ATE1: variants seen among roughly 807,000 people sequenced by gnomAD.
ATE1 encodes arginyl-tRNA--protein transferase 1.
In ATE1, 36 loss-of-function variants were observed where a neutral mutation model predicts 70.5. The observed-to-expected ratio is 0.51, with a 90% CI of 0.39 to 0.67. The LOEUF (loss-of-function observed/expected upper bound fraction) is 0.67. Among genes scored for constraint, ATE1 ranks in the 30% least tolerant of loss-of-function variants. The pLI is 0.00. For synonymous variants in ATE1, 232 were observed against 219.3 expected (o/e 1.06, Z -0.51); for missense variants, 593 against 629.5 (o/e 0.94, Z 0.62).
chr10:121,906,649 A>T (rs1951206746), intron 5 of ATE1, among the ~76,000 whole-genome samples: 1 of 151,700 alleles, frequency 6.6e-6, no homozygotes, highest in African/African-American at 2.4e-5. Flanking sequence ...CCCAGGCTGG[A>T]GTGCAGTGGC....
chr10:121,830,340 T>C (rs1172461589), intron 10 of ATE1, among the ~76,000 whole-genome samples: 1 of 152,094 alleles, frequency 6.6e-6, no homozygotes, highest in African/African-American at 2.4e-5. Flanking sequence ...CTCATGGGAA[T>C]GGATGTGTTC....
At chr10:121,842,906 T>C (rs189766970) in intron 8 of ATE1, among the ~76,000 whole-genome samples, 2 of 152,178 alleles carry the variant, frequency 1.3e-5, no homozygotes, top group African/African-American at 4.8e-5. Flanking sequence ...GCATACTCAC[T>C]AGTAAGAAAG....
chr10:121,801,888 C>G (rs913678452), intron 10 of ATE1, among the ~76,000 whole-genome samples: 4 of 150,672 alleles, frequency 2.7e-5, no homozygotes, highest in African/African-American at 9.8e-5. Context: ...CTTACTGGCT[C>G]TCCAATATCT....
In ATE1 at chr10:121,841,087, T is replaced by G; in HGVS notation, c.1152A>C (p.Ala384=). ...YSFLSLGVYS[A]LREIAFTRQL... ...ACGGCAAAAAGCAATCTTACCGTAG[T>G]GCAGAGTAGACGCCCAAAGACAAAA... The change falls in exon 9 of 12, where the codon GCA becomes GCC. Residue 384 remains alanine (A), a synonymous_variant. Transcript: ENST00000224652. 1 of 1,554,996 alleles carries G rather than the reference T, an allele frequency of 6.4e-7. No homozygotes were observed. Among genetic ancestry groups the G allele is most frequent in the Non-Finnish European group, 8.7e-7 (1 of 1,144,744 alleles).
intron 11 of ATE1, among the ~76,000 whole-genome samples, chr10:121,781,674 A>C (rs10788208): frequency 6.6e-6 from 1 of 152,222 alleles, no homozygotes; most frequent in Non-Finnish European, 1.5e-5. Flanking sequence ...AACTAAGCTA[A>C]GACAGTCTCC....
At chr10:121,858,836 C>T (rs1170958842) in intron 8 of ATE1, among the ~76,000 whole-genome samples, 6 of 151,894 alleles carry the variant, frequency 4.0e-5, no homozygotes, top group African/African-American at 7.3e-5. Context: ...TGGCTCACGC[C>T]TGTAATCCCA....
At chr10:121,921,008 A>C (rs1172022532) in intron 3 of ATE1, among the ~76,000 whole-genome samples, 1 of 152,112 alleles carries the variant, frequency 6.6e-6, no homozygotes, top group East Asian at 1.9e-4. Flanking sequence ...AAAAAAAAAA[A>C]AAAAAACTGG....
chr10:121,768,763 G>A (rs1194664402), intron 11 of ATE1, among the ~76,000 whole-genome samples: 1 of 152,078 alleles, frequency 6.6e-6, no homozygotes, highest in African/African-American at 2.4e-5. Flanking sequence ...GGGACATACA[G>A]AAGACCACCA....
At chr10:121,862,867 G>A (rs187263129) in intron 8 of ATE1, among the ~76,000 whole-genome samples, 79 of 152,148 alleles carry the variant, frequency 5.2e-4, no homozygotes, top group Non-Finnish European at 9.0e-4. Context: ...CAAAGACCAT[G>A]GCAACACCCG....
intron 11 of ATE1, among the ~76,000 whole-genome samples, chr10:121,772,258 C>T (rs1046668789): frequency 6.6e-6 from 1 of 152,196 alleles, no homozygotes; most frequent in East Asian, 1.9e-4. Context: ...GCCAACTACC[C>T]GCTTTTATCA....
At chr10:121,918,015 A>C (rs561031245) in intron 3 of ATE1, among the ~76,000 whole-genome samples, 8 of 152,340 alleles carry the variant, frequency 5.3e-5, no homozygotes, top group Non-Finnish European at 1.2e-4. Flanking sequence ...TAACCAGAAG[A>C]GTAAATATGG....
At chr10:121,762,646 C>A (rs893979234) in intron 11 of ATE1, among the ~76,000 whole-genome samples, 2 of 152,052 alleles carry the variant, frequency 1.3e-5, no homozygotes, top group Admixed American at 1.3e-4. Flanking sequence ...GGTGAGTGTG[C>A]GTGTGCCCTG....
At position 121,843,540 on chromosome 10, in the gene ATE1, C is replaced by T. The variant is rs115832792; in HGVS notation, c.976-2277G>A. Among the ~76,000 whole-genome samples, 1,195 of 152,234 alleles carry T rather than the reference C, an allele frequency of 7.8e-3. 18 individuals are homozygous for T. The highest frequency in any genetic ancestry group is 0.028 in the African/African-American group (1,155 of 41,538). Reference sequence around the variant, plus strand: ...TTGACACTCCCAATGTCAACACTTGCTATAAACCTGTAATAATCAAGATGG... The same window carrying T: ...TTGACACTCCCAATGTCAACACTTGTTATAAACCTGTAATAATCAAGATGG... On this transcript the variant is annotated intron_variant, in intron 8 of 11. Transcript: ENST00000224652.
Position 121,913,775 on chromosome 10 carries a change from C to T in ATE1, c.337+15G>A. 6.4e-7 allele frequency: 1 copy of T among 1,573,590 alleles called. No homozygotes were observed. Among genetic ancestry groups the T allele is most frequent in the South Asian group, 1.1e-5 (1 of 88,748 alleles). The stretch of plus-strand genomic sequence containing the variant: ...AGACAGATAGTAAATCGTTTTTAGA[C>T]CCAGCCCATCTTACCCTCACAACTT... On this transcript the variant is annotated intron_variant, in intron 4 of 11. Transcript: ENST00000224652.
At chr10:121,864,561 A>G (rs1475725533) in intron 8 of ATE1, among the ~76,000 whole-genome samples, 6 of 152,220 alleles carry the variant, frequency 3.9e-5, no homozygotes, top group Admixed American at 2.0e-4. Context: ...ATTACCATGA[A>G]GCAGAGTTTT....
chr10:121,928,025 GCGCGCCGCCCGGGAGCCTCCCGAGGCT>G, exon 1 of ATE1: 2 of 1,287,786 alleles, frequency 1.6e-6, no homozygotes, highest in Non-Finnish European at 2.0e-6. Flanking sequence ...CCACAATGCA[GCGCGCCGCCCGGGAGCCTCCCGAGGCT>G]CGCGCGAAGC....
chr10:121,848,046 G>A (rs1268247799), intron 8 of ATE1, among the ~76,000 whole-genome samples: 1 of 152,030 alleles, frequency 6.6e-6, no homozygotes, highest in African/African-American at 2.4e-5. Flanking sequence ...ACCCTGGCCT[G>A]GGCGACAGAG....
chr10:121,890,137 TAAGGA>T (rs1168899897), intron 7 of ATE1, among the ~76,000 whole-genome samples: 1 of 152,118 alleles, frequency 6.6e-6, no homozygotes, highest in Admixed American at 6.5e-5. Context: ...AGTAGAAAGT[TAAGGA>T]AAAGAAGTCA....
chr10:121,843,724 A>G (rs1224006089), intron 8 of ATE1, among the ~76,000 whole-genome samples: 2 of 152,018 alleles, frequency 1.3e-5, no homozygotes, highest in African/African-American at 4.8e-5. Context: ...AGATATCCAT[A>G]CGCAAAAAAA....
Sources: allele counts gnomAD v4.1 joint callset (sites outside exome capture counted in the v4.1 genomes callset), GRCh38; gene constraint gnomAD v4.1.1; transcripts MANE v1.5; gene names NCBI Gene and HGNC (gene_info 2026-07-23, HGNC 2026-07-21).